Variants in CHTF8 observed in about 807,000 individuals in gnomAD.
CHTF8 encodes chromosome transmission fidelity factor 8.
In CHTF8, 6 loss-of-function variants were observed where a neutral mutation model predicts 11.0. That is an observed-to-expected ratio of 0.55 (90% CI 0.30 to 1.08). The LOEUF is 1.08. CHTF8 is among the 50% of genes least tolerant of loss of function. CHTF8 has a pLI of 0.07. For missense variants in CHTF8, 140 were observed against 153.1 expected, an observed-to-expected ratio of 0.91 and a Z score of 0.45; for synonymous variants, 53 against 60.5, an observed-to-expected ratio of 0.88 and a Z score of 0.57.
At chr16:69,123,170 C>T (rs1303017025) in intron 1 of CHTF8, among the ~76,000 whole-genome samples, 2 of 152,160 alleles carry the variant, frequency 1.3e-5, no homozygotes, top group East Asian at 1.9e-4. Flanking sequence ...GATCCTCCTA[C>T]CTCAGCTTCT....
In CHTF8 at chr16:69,120,947, C is replaced by T. The variant is rs754628783; in HGVS notation, c.141+106G>A. On this transcript the variant is annotated intron_variant, in intron 3 of 3. Coordinates refer to ENST00000448552, the MANE Select transcript of CHTF8 (RefSeq NM_001039690.5). The surrounding 1 kb of genome is among the most constrained non-coding windows in gnomAD (Gnocchi z 4.0). ...AGAGAGCATCGCAGATTAGCTAGGCCTTGAATAACAAACCTGAGGCAGTCC... is the reference window on the plus strand; with the variant it reads ...AGAGAGCATCGCAGATTAGCTAGGCTTTGAATAACAAACCTGAGGCAGTCC... 1.0e-6 allele frequency: 1 copy of T among 959,496 alleles called. No individual in the cohort carries two copies. The highest frequency in any genetic ancestry group is 1.3e-5 in the South Asian group (1 of 78,108). The allele number at this position is 959,496 out of a possible 1,614,324, so 59.4% of individuals were successfully genotyped here. A position where few individuals can be genotyped will look rare whatever the true frequency, so the allele number is the denominator to read the frequency against.
chr16:69,118,115 C>A lies in CHTF8; in HGVS notation c.*2310G>T. ...CCGAACAAAGCACAGTGATTTCTTC[C>A]CTTCATCCCCCACCCCCACCCTAAT... On this transcript the variant is annotated 3_prime_UTR_variant, in exon 4 of 4. Transcript: ENST00000448552. 1.9e-6 allele frequency: 1 copy of A among 527,600 alleles called. No individual in the cohort carries two copies. The highest frequency in any genetic ancestry group is 3.4e-6 in the Non-Finnish European group (1 of 292,658). 32.7% of individuals were successfully genotyped at this position (527,600 alleles called of 1,614,324 possible).
chr16:69,124,423 AT>A (rs879708208), intron 1 of CHTF8, among the ~76,000 whole-genome samples: 3 of 149,936 alleles, frequency 2.0e-5, no homozygotes, highest in Non-Finnish European at 4.5e-5. Flanking sequence ...TGTTAAACAG[AT>A]TTTTTTTTTG....
chr16:69,121,481 A>G lies in CHTF8; in HGVS notation c.-23T>C, dbSNP rs758579769. 226 of 1,594,514 alleles carry G rather than the reference A, an allele frequency of 1.4e-4. 2 individuals are homozygous for G. The Admixed American group carries it at 4.0e-3, about 28-fold the overall frequency. ...CATGAGCTTTCTGTCTTTAAAAAGCAAGTGAAAACAAGCTGTAGAGAGAAA... is the reference window on the plus strand; with the variant it reads ...CATGAGCTTTCTGTCTTTAAAAAGCGAGTGAAAACAAGCTGTAGAGAGAAA... On this transcript the variant is annotated 5_prime_UTR_variant, in exon 2 of 4. Transcript: ENST00000448552.
At chr16:69,122,570 T>C (rs1961760518) in intron 1 of CHTF8, among the ~76,000 whole-genome samples, 1 of 148,214 alleles carries the variant, frequency 6.7e-6, no homozygotes, top group African/African-American at 2.5e-5. Flanking sequence ...GGAGGGAGTC[T>C]CACTGTGTCA....
rs1457421911 is a variant in CHTF8 at position 69,121,337 on chromosome 16, C to T, written c.23+99G>A. The T allele has an allele frequency of 4.8e-6, 6 of 1,248,778 alleles. No individual in the cohort carries two copies. The Admixed American group carries it at 1.3e-4, about 26-fold the overall frequency. 77.4% of individuals were successfully genotyped at this position (1,248,778 alleles called of 1,614,324 possible). A position where few individuals can be genotyped will look rare whatever the true frequency, so the allele number is the denominator to read the frequency against. ...AGAGATCAGAATGCAAGGATTTGTA[C>T]AAGATGCACCTAAGGACCCTGATTC... On this transcript the variant is annotated intron_variant, in intron 2 of 3. Transcript: ENST00000448552.
intron 1 of CHTF8, among the ~76,000 whole-genome samples, chr16:69,127,372 A>G (rs1415242822): frequency 1.3e-5 from 2 of 152,140 alleles, no homozygotes; most frequent in African/African-American, 4.8e-5. Context: ...AATCACAAGC[A>G]TAACAATGGA....
chr16:69,125,445 TCTGA>T (rs1317305393), intron 1 of CHTF8, among the ~76,000 whole-genome samples: 1 of 151,760 alleles, frequency 6.6e-6, no homozygotes, highest in African/African-American at 2.4e-5. Flanking sequence ...ATCTGGGCCA[TCTGA>T]CTATCTACAC....
rs761452127 is a variant in CHTF8 at position 69,118,563 on chromosome 16, T to TAAGAA, written c.*1857_*1861dup. ...CCACAAGAACAATTCAAGAAACTAGTAAGAAACAATGGGCAGAAAGCTGTG... is the reference window on the plus strand; with the variant it reads ...CCACAAGAACAATTCAAGAAACTAGTAAGAAAAGAAACAATGGGCAGAAAGCTGTG... On this transcript the variant is annotated 3_prime_UTR_variant, in exon 4 of 4. Coordinates refer to ENST00000448552, the MANE Select transcript of CHTF8 (RefSeq NM_001039690.5). The TAAGAA allele has an allele frequency of 6.4e-6, 5 of 779,752 alleles. No homozygotes were observed. The East Asian group carries it at 1.3e-4, about 20-fold the overall frequency. The allele number at this position is 779,752 out of a possible 1,614,324, so 48.3% of individuals were successfully genotyped here.
rs778988484 is a variant in CHTF8 at position 69,119,603 on chromosome 16, C to A, written c.*822G>T. On this transcript the variant is annotated 3_prime_UTR_variant, in exon 4 of 4. Transcript: ENST00000448552. ...AGACCTGCTGCTCTTAGAATGGGGGCAAGATCGAGGCCTTGAGGTCCAGCC... is the reference window on the plus strand; with the variant it reads ...AGACCTGCTGCTCTTAGAATGGGGGAAAGATCGAGGCCTTGAGGTCCAGCC... The A allele has an allele frequency of 1.9e-5, 13 of 699,234 alleles. No homozygotes were observed. Among genetic ancestry groups the A allele is most frequent in the Non-Finnish European group, 3.4e-5 (13 of 382,740 alleles). 43.3% of individuals were successfully genotyped at this position (699,234 alleles called of 1,614,324 possible). A position where few individuals can be genotyped will look rare whatever the true frequency, so the allele number is the denominator to read the frequency against.
rs1430381360 is a variant in CHTF8 at position 69,118,566 on chromosome 16, G to A, written c.*1859C>T. 3.9e-6 allele frequency: 3 copies of A among 770,592 alleles called. No individual in the cohort carries two copies. In the South Asian group the frequency reaches 4.3e-5, roughly 11 times the overall value. 47.7% of individuals were successfully genotyped at this position (770,592 alleles called of 1,614,324 possible). ...CAAGAACAATTCAAGAAACTAGTAA[G>A]AAACAATGGGCAGAAAGCTGTGGGA... is the stretch of plus-strand genomic sequence containing the variant. On this transcript the variant is annotated 3_prime_UTR_variant, in exon 4 of 4. Coordinates refer to ENST00000448552, the MANE Select transcript of CHTF8 (RefSeq NM_001039690.5).
rs146716407 is a variant in CHTF8 at position 69,128,165 on chromosome 16, G to A, written c.-36+4319C>T. 1.3e-3 allele frequency among the ~76,000 whole-genome samples: 195 copies of A among 152,004 alleles called. 2 individuals are homozygous for A. The highest frequency in any genetic ancestry group is 6.8e-3 in the Middle Eastern group (2 of 294). On this transcript the variant is annotated intron_variant, in intron 1 of 3. Coordinates refer to ENST00000448552, the MANE Select transcript of CHTF8 (RefSeq NM_001039690.5). ...CCTGACCTCATGATCCACCCGCCTC[G>A]GCCTCCCAAAGTGCCAGGATTACAG...
chr16:69,124,422 GA>G (rs1489461675), intron 1 of CHTF8, among the ~76,000 whole-genome samples: 1 of 151,984 alleles, frequency 6.6e-6, no homozygotes, highest in Non-Finnish European at 1.5e-5. Flanking sequence ...ATGTTAAACA[GA>G]TTTTTTTTTT....
chr16:69,130,488 T>C (rs1318032335), intron 1 of CHTF8, among the ~76,000 whole-genome samples: 2 of 152,194 alleles, frequency 1.3e-5, no homozygotes, highest in African/African-American at 4.8e-5. Context: ...GGTGGATACT[T>C]TGTTTACGAA....
At chr16:69,130,724 A>G (rs1962438279) in intron 1 of CHTF8, among the ~76,000 whole-genome samples, 2 of 152,212 alleles carry the variant, frequency 1.3e-5, no homozygotes, top group African/African-American at 4.8e-5. Flanking sequence ...TTTCCCAGAG[A>G]AAGGTGGCAT....
Position 69,120,791 on chromosome 16 carries a change from GA to G in CHTF8, c.142-143del. On this transcript the variant is annotated intron_variant, in intron 3 of 3. Coordinates refer to ENST00000448552, the MANE Select transcript of CHTF8 (RefSeq NM_001039690.5). The surrounding 1 kb of genome is among the most constrained non-coding windows in gnomAD (Gnocchi z 4.0). Reference sequence around the variant, plus strand: ...CTGCCATTGTTGAGCAGCCACACTGGACCACCCACCCATGTGCCCTTTTTAC... The same window carrying G: ...CTGCCATTGTTGAGCAGCCACACTGGCCACCCACCCATGTGCCCTTTTTAC... 1.3e-6 allele frequency: 1 copy of G among 760,090 alleles called. No individual in the cohort carries two copies. Among genetic ancestry groups the G allele is most frequent in the Non-Finnish European group, 2.2e-6 (1 of 449,482 alleles). 47.1% of individuals were successfully genotyped at this position (760,090 alleles called of 1,614,324 possible).
chr16:69,125,878 T>C (rs1025297018), intron 1 of CHTF8, among the ~76,000 whole-genome samples: 1 of 152,220 alleles, frequency 6.6e-6, no homozygotes, highest in African/African-American at 2.4e-5. Flanking sequence ...TTATGTCCTA[T>C]GAAACTATTG....
In CHTF8 at chr16:69,119,632, CTTAAG is replaced by C. The variant is rs1255882849; in HGVS notation, c.*788_*792del. ...ATCGAGGCCTTGAGGTCCAGCCATT[CTTAAG>C]TTAAGACCAGATCCTGTGCCCAAGA... is the stretch of plus-strand genomic sequence containing the variant. On this transcript the variant is annotated 3_prime_UTR_variant, in exon 4 of 4. Coordinates refer to ENST00000448552, the MANE Select transcript of CHTF8 (RefSeq NM_001039690.5). 1.3e-5 allele frequency: 9 copies of C among 689,436 alleles called. No individual in the cohort carries two copies. The highest frequency in any genetic ancestry group is 2.7e-5 in the East Asian group (1 of 37,066). 42.7% of individuals were successfully genotyped at this position (689,436 alleles called of 1,614,324 possible).
chr16:69,132,474 G>T lies in CHTF8; in HGVS notation c.-36+10C>A, dbSNP rs1282642172. The T allele has an allele frequency of 4.5e-6, 1 of 221,258 alleles. No individual in the cohort carries two copies. The highest frequency in any genetic ancestry group is 8.7e-6 in the Non-Finnish European group (1 of 115,276). The allele number at this position is 221,258 out of a possible 1,614,324, so 13.7% of individuals were successfully genotyped here. On this transcript the variant is annotated intron_variant, in intron 1 of 3. Coordinates refer to ENST00000448552, the MANE Select transcript of CHTF8 (RefSeq NM_001039690.5). Reference sequence around the variant, plus strand: ...CCGCAGCCTCCCGTGCCCCCCGCCCGCGGCCTGACCTGCAATGGCGGCCGC... The same window carrying T: ...CCGCAGCCTCCCGTGCCCCCCGCCCTCGGCCTGACCTGCAATGGCGGCCGC...
Sources: allele counts gnomAD v4.1 joint callset (sites outside exome capture counted in the v4.1 genomes callset), GRCh38; gene constraint gnomAD v4.1.1; non-coding constraint Gnocchi (gnomAD v3.1); transcripts MANE v1.5; gene names NCBI Gene and HGNC (gene_info 2026-07-23, HGNC 2026-07-21).